The following TUSC3 variants were observed in gnomAD, a reference collection of about 807,000 sequenced individuals.
TUSC3 encodes the protein tumor suppressor candidate 3, also known as dolichyl-diphosphooligosaccharide--protein glycosyltransferase subunit TUSC3.
TUSC3 carries 45 observed loss-of-function variants against 44.8 expected under a neutral mutation model. The observed-to-expected ratio is 1.00, with a 90% CI of 0.79 to 1.29. The LOEUF is 1.29. Ranked by LOEUF, TUSC3 falls within the 50% of genes most tolerant of loss-of-function variation. The pLI, the probability that TUSC3 is intolerant of heterozygous loss-of-function variation, is 0.00. For missense variants in TUSC3, 519 were observed against 437.9 expected, an observed-to-expected ratio of 1.19 and a Z score of -1.65; for synonymous variants, 212 against 152.9, an observed-to-expected ratio of 1.39 and a Z score of -2.85.
Position 15,687,230 on chromosome 8 carries a change from C to G in TUSC3, c.798+13394C>G, listed in dbSNP as rs115428112. On this transcript the variant is annotated intron_variant, in intron 6 of 10. Coordinates refer to ENST00000503731, the MANE Select transcript of TUSC3 (RefSeq NM_006765.4). ...CTGATTAACATATTTGTTAGGTACT[C>G]TGTTTCCAGTAGTAGTACAGATACA... Among the ~76,000 whole-genome samples, 427 of 152,228 alleles carry G rather than the reference C, an allele frequency of 2.8e-3. 2 individuals carry two copies. The highest frequency in any genetic ancestry group is 0.01 in the African/African-American group (417 of 41,544).
chr8:15,653,390 G>A (rs10088708), intron 3 of TUSC3, among the ~76,000 whole-genome samples: 14,490 of 152,090 alleles, frequency 0.095, 1,651 homozygotes, highest in African/African-American at 0.28. Flanking sequence ...AAAATCTTCT[G>A]TGATATTATT....
At chr8:15,576,609 G>T in intron 1 of TUSC3, among the ~76,000 whole-genome samples, 1 of 139,216 alleles carries the variant, frequency 7.2e-6, no homozygotes, top group African/African-American at 2.8e-5. Flanking sequence ...ATGATTTCCA[G>T]TTTCATCCAT....
the TUSC3 span, among the ~76,000 whole-genome samples, chr8:15,848,259 G>T: frequency 2.6e-5 from 4 of 152,128 alleles, no homozygotes; most frequent in Non-Finnish European, 5.9e-5. Context: ...AGGTGGCCTT[G>T]GACTGATCCA....
intron 3 of TUSC3, chr8:15,651,043 G>T: frequency 4.0e-6 from 2 of 500,852 alleles, no homozygotes; most frequent in African/African-American, 1.9e-5. Flanking sequence ...CATTCAATAG[G>T]TTAGTAAATA....
chr8:15,694,813 C>A (rs1295116459), intron 6 of TUSC3, among the ~76,000 whole-genome samples: 1 of 152,090 alleles, frequency 6.6e-6, no homozygotes, highest in Non-Finnish European at 1.5e-5. Context: ...GAGTTGTTCC[C>A]AGATTGCTGG....
At chr8:15,426,380 A>G (rs1172869762) in intron 1 of TUSC3, among the ~76,000 whole-genome samples, 1 of 152,242 alleles carries the variant, frequency 6.6e-6, no homozygotes, top group Non-Finnish European at 1.5e-5. Flanking sequence ...GTGAAACTTG[A>G]TGCCCATTAA....
chr8:15,470,768 A>G (rs532672505), intron 1 of TUSC3, among the ~76,000 whole-genome samples: 1 of 152,106 alleles, frequency 6.6e-6, no homozygotes, highest in Non-Finnish European at 1.5e-5. Flanking sequence ...GATTTTCTCC[A>G]GTTCCTCTGG....
At chr8:15,771,824 C>A in the TUSC3 span, among the ~76,000 whole-genome samples, 6 of 152,210 alleles carry the variant, frequency 3.9e-5, no homozygotes, top group East Asian at 1.2e-3. Flanking sequence ...CACGGTGGCT[C>A]ACGCCTGTAA....
Position 15,759,144 on chromosome 8 carries a change from G to A in TUSC3, c.*46+1289G>A, listed in dbSNP as rs957238214. 5.9e-5 allele frequency among the ~76,000 whole-genome samples: 9 copies of A among 152,208 alleles called. 1 individual carries two copies. The Middle Eastern group carries it at 0.014, about 230-fold the overall frequency. On this transcript the variant is annotated intron_variant, in intron 10 of 10. Coordinates refer to ENST00000503731, the MANE Select transcript of TUSC3 (RefSeq NM_006765.4). The stretch of plus-strand genomic sequence containing the variant: ...ACACTACCCACAAGGTCAATGGGCC[G>A]GAATGAAAATTCAACCACTGGCCTA...
intron 1 of TUSC3, among the ~76,000 whole-genome samples, chr8:15,549,972 C>A (rs1018139140): frequency 2.0e-5 from 3 of 151,644 alleles, no homozygotes; most frequent in African/African-American, 7.2e-5. Context: ...TTCCTGTCAC[C>A]TTTAAGGGCT....
At chr8:15,427,484 T>G (rs73189461) in intron 1 of TUSC3, among the ~76,000 whole-genome samples, 21,148 of 152,018 alleles carry the variant, frequency 0.14, 1,584 homozygotes, top group Middle Eastern at 0.22. Flanking sequence ...CTCAGGGGTG[T>G]AGAGAGCTAA....
intron 1 of TUSC3, among the ~76,000 whole-genome samples, chr8:15,441,228 G>A (rs570728522): frequency 1.1e-4 from 17 of 152,252 alleles, no homozygotes; most frequent in Non-Finnish European, 2.1e-4. Flanking sequence ...TCAACATGAC[G>A]AAACCCCGTC....
intron 1 of TUSC3, among the ~76,000 whole-genome samples, chr8:15,573,223 TATATATAA>T (rs1213935285): frequency 2.2e-5 from 3 of 137,306 alleles, no homozygotes; most frequent in Admixed American, 7.2e-5. Context: ...TATATATATA[TATATATAA>T]AAGTTTTTTT....
intron 1 of TUSC3, among the ~76,000 whole-genome samples, chr8:15,606,260 A>G (rs1359917572): frequency 1.3e-5 from 2 of 152,078 alleles, no homozygotes; most frequent in African/African-American, 4.8e-5. Flanking sequence ...GAGTAAATAC[A>G]ATACAGTACT....
chr8:15,497,681 A>C (rs192326804), intron 2 of TUSC3, among the ~76,000 whole-genome samples: 57 of 152,236 alleles, frequency 3.7e-4, no homozygotes, highest in African/African-American at 1.3e-3. Flanking sequence ...AATAGCTGGA[A>C]GGAAAATGCA....
intron 1 of TUSC3, among the ~76,000 whole-genome samples, chr8:15,597,690 C>A (rs974010159): frequency 1.3e-5 from 2 of 151,978 alleles, no homozygotes; most frequent in Non-Finnish European, 2.9e-5. Flanking sequence ...GAAAACAAAA[C>A]CTTCATGAGT....
chr8:15,534,712 G>A (rs1441050981), intron 2 of TUSC3, among the ~76,000 whole-genome samples: 1 of 151,750 alleles, frequency 6.6e-6, no homozygotes. Context: ...TGAACGATTC[G>A]TGAATCCAGC....
chr8:15,575,175 T>A lies in TUSC3; in HGVS notation c.138+34607T>A, dbSNP rs1585116453. On this transcript the variant is annotated intron_variant, in intron 1 of 10. Coordinates refer to ENST00000503731, the MANE Select transcript of TUSC3 (RefSeq NM_006765.4). The stretch of plus-strand genomic sequence containing the variant: ...GCGATAGATGTATTTTTTTTGCATA[T>A]AAACCTATACTACTTTATGTTTGGA... 2.6e-5 allele frequency among the ~76,000 whole-genome samples: 4 copies of A among 152,198 alleles called. No homozygotes were observed. In the East Asian group the frequency reaches 5.8e-4, roughly 22 times the overall value.
chr8:15,703,627 A>G (rs1055327092), intron 6 of TUSC3, among the ~76,000 whole-genome samples: 1 of 152,144 alleles, frequency 6.6e-6, no homozygotes, highest in Non-Finnish European at 1.5e-5. Flanking sequence ...GAGTGCCTCA[A>G]GCTGCTTCCA....
Sources: allele counts gnomAD v4.1 joint callset (sites outside exome capture counted in the v4.1 genomes callset), GRCh38; gene constraint gnomAD v4.1.1; transcripts MANE v1.5; gene names NCBI Gene and HGNC (gene_info 2026-07-23, HGNC 2026-07-21).